STARD8: variants seen among roughly 807,000 people sequenced by gnomAD.
STARD8 encodes StAR related lipid transfer domain containing 8.
In STARD8, 25 loss-of-function variants were observed where a neutral mutation model predicts 69.4. The ratio of observed to expected loss-of-function variants is 0.36; its 90% CI spans 0.26 to 0.50. STARD8 has a LOEUF of 0.50. Among genes scored for constraint, STARD8 ranks in the 20% least tolerant of loss-of-function variants. The pLI, the probability that STARD8 is intolerant of heterozygous loss-of-function variation, is 0.96. For missense variants in STARD8, 921 were observed against 932.5 expected, an observed-to-expected ratio of 0.99 and a Z score of 0.16; for synonymous variants, 389 against 374.6, an observed-to-expected ratio of 1.04 and a Z score of -0.45.
intron 1 of STARD8, among the ~76,000 whole-genome samples, chrX:68,653,063 C>A (rs1359054114): frequency 4.1e-5 from 1 of 24,565 alleles, no homozygotes; most frequent in Non-Finnish European, 7.7e-5. Context: ...CCACACACAC[C>A]ACACACCACA....
intron 2 of STARD8, among the ~76,000 whole-genome samples, chrX:68,691,177 C>G (rs777436086): frequency 4.5e-5 from 5 of 111,825 alleles, no homozygotes; most frequent in Non-Finnish European, 7.5e-5. Flanking sequence ...TTTTGCCAGG[C>G]CTTGGCCTGC....
intron 1 of STARD8, among the ~76,000 whole-genome samples, chrX:68,653,267 ACACACCACAC>A (rs2079579345): frequency 1.6e-5 from 1 of 61,132 alleles, no homozygotes; most frequent in Non-Finnish European, 3.0e-5. Flanking sequence ...CACACACACC[ACACACCACAC>A]CACACACACA....
chrX:68,711,222 G>GCACACACACACA (rs60571538), intron 2 of STARD8, among the ~76,000 whole-genome samples: 380 of 101,839 alleles, frequency 3.7e-3, no homozygotes, highest in African/African-American at 0.013. Context: ...ATGTATGCAT[G>GCACACACACACA]CACACACACA....
In STARD8 at chrX:68,656,895, A is replaced by G. The variant is rs181380721; in HGVS notation, c.46-8604A>G. The stretch of plus-strand genomic sequence containing the variant: ...GGGGGGAGGGATAGCATTAGGAGAT[A>G]TACCTAATGTAAATGATGAGTTAAT... On this transcript the variant is annotated intron_variant, in intron 1 of 14. Coordinates refer to ENST00000374599, the MANE Select transcript of STARD8 (RefSeq NM_001142503.3). Among the ~76,000 whole-genome samples the G allele has an allele frequency of 2.7e-5, 3 of 111,329 alleles. No homozygotes were observed. In the Admixed American group the frequency reaches 2.9e-4, roughly 11 times the overall value.
intron 1 of STARD8, among the ~76,000 whole-genome samples, chrX:68,653,121 CCA>C (rs1247894025): frequency 1.0e-4 from 5 of 50,050 alleles, no homozygotes; most frequent in African/African-American, 1.6e-4. Flanking sequence ...ACACCACACA[CCA>C]CACACACACC....
In STARD8 at chrX:68,723,607, C is replaced by G; in HGVS notation, c.2800-19C>G. 1 of 1,166,116 alleles carries G rather than the reference C, an allele frequency of 8.6e-7. No individual in the cohort carries two copies. The highest frequency in any genetic ancestry group is 1.1e-6 in the Non-Finnish European group (1 of 871,501). On this transcript the variant is annotated intron_variant, in intron 12 of 14. Transcript: ENST00000374599. Reference sequence around the variant, plus strand: ...CCAGCCCTGACAGCTGCCCCCATCCCCACTCCTGTGGCTCACAGGCACCGG... The same window carrying G: ...CCAGCCCTGACAGCTGCCCCCATCCGCACTCCTGTGGCTCACAGGCACCGG...
In STARD8 at chrX:68,724,597, AG is replaced by A. The variant is rs2080183967; in HGVS notation, c.*176del. 1 of 414,903 alleles carries A rather than the reference AG, an allele frequency of 2.4e-6. No individual in the cohort carries two copies. The highest frequency in any genetic ancestry group is 4.2e-6 in the Non-Finnish European group (1 of 240,236). 34.2% of individuals were successfully genotyped at this position (414,903 alleles called of 1,213,427 possible). ...TAAAGCTCCTCTGCACATAGAGGGGAGAAAAAGAGAATTTAGGCAACTCCAC... is the reference window on the plus strand; with the variant it reads ...TAAAGCTCCTCTGCACATAGAGGGGAAAAAAGAGAATTTAGGCAACTCCAC... On this transcript the variant is annotated 3_prime_UTR_variant, in exon 15 of 15. Coordinates refer to ENST00000374599, the MANE Select transcript of STARD8 (RefSeq NM_001142503.3).
intron 1 of STARD8, among the ~76,000 whole-genome samples, chrX:68,661,990 T>C (rs868045188): frequency 8.1e-5 from 7 of 86,106 alleles, no homozygotes; most frequent in African/African-American, 3.6e-4. Flanking sequence ...CTTTCTTTCT[T>C]TCTTTCTTTC....
intron 2 of STARD8, 85 bp downstream of exon 2, chrX:68,665,617 C>T (rs764992515): frequency 5.8e-6 from 6 of 1,034,922 alleles, no homozygotes; most frequent in Non-Finnish European, 8.0e-6. Context: ...GATCAGGTCC[C>T]TGGGCAGCAG....
At chrX:68,721,916 C>A in intron 10 of STARD8, 131 bp from the exon 11 acceptor site, 1 of 790,207 alleles carries the variant, frequency 1.3e-6, no homozygotes, top group South Asian at 2.7e-5. Flanking sequence ...CAGGGCCTTC[C>A]AAAAGGCAGC....
intron 1 of STARD8, among the ~76,000 whole-genome samples, chrX:68,661,966 C>CTTTCTTTCTTTCTTTCTTTCTT (rs1215178287): frequency 8.3e-5 from 6 of 71,935 alleles, no homozygotes; most frequent in African/African-American, 4.1e-4. Context: ...CTCTCTCTCT[C>CTTTCTTTCTTTCTTTCTTTCTT]TCTCTCTTTC....
chrX:68,652,919 CACACAT>C (rs1456907021), intron 1 of STARD8, among the ~76,000 whole-genome samples: 1 of 74,950 alleles, frequency 1.3e-5, no homozygotes, highest in Non-Finnish European at 2.6e-5. Flanking sequence ...ACACCACACA[CACACAT>C]CACACACACC....
chrX:68,710,179 C>A (rs1163881795), intron 2 of STARD8, among the ~76,000 whole-genome samples: 7 of 112,377 alleles, frequency 6.2e-5, no homozygotes, highest in Non-Finnish European at 1.1e-4. Flanking sequence ...CCCTGTATGA[C>A]CTTGGAAAAG....
chrX:68,677,154 TA>T (rs1407381798), intron 2 of STARD8, among the ~76,000 whole-genome samples: 6 of 106,967 alleles, frequency 5.6e-5, no homozygotes, highest in African/African-American at 1.4e-4. Flanking sequence ...TCAAAAAAAT[TA>T]AAAAAAAAAG....
intron 2 of STARD8, among the ~76,000 whole-genome samples, chrX:68,686,349 C>A (rs907016307): frequency 4.4e-5 from 5 of 112,672 alleles, no homozygotes; most frequent in South Asian, 3.6e-4. Context: ...CGCTCAGTCC[C>A]GGGGCAAAAC....
Position 68,722,634 on chromosome X carries a change from G to A in STARD8, c.2787G>A (p.Leu929=), listed in dbSNP as rs1225342389. The A allele has an allele frequency of 2.5e-6, 3 of 1,210,258 alleles. No homozygotes were observed. Among genetic ancestry groups the A allele is most frequent in the East Asian group, 5.9e-5 (2 of 33,757 alleles). Residue 929 remains leucine, a synonymous_variant, in exon 12 of 15, where the codon CTG becomes CTA. Transcript: ENST00000374599. The part of the protein sequence containing the change: ...MSVPGPQHTE[L]ACRKAPDGHP... ...TGCCAGGGCCCCAGCACACGGAGCT[G>A]GCTTGCAGGAAGGTGAGTGCCACAC...
At chrX:68,714,783 A>T (rs2080078398) in intron 3 of STARD8, among the ~76,000 whole-genome samples, 1 of 111,766 alleles carries the variant, frequency 8.9e-6, no homozygotes, top group Non-Finnish European at 1.9e-5. Flanking sequence ...GACTTCTCAG[A>T]TTCTCTCTTC....
At chrX:68,669,829 G>A (rs2079717480) in intron 2 of STARD8, among the ~76,000 whole-genome samples, 1 of 112,066 alleles carries the variant, frequency 8.9e-6, no homozygotes, top group Admixed American at 9.4e-5. Context: ...CATGCTATTG[G>A]GTGTCTGTCA....
chrX:68,648,468 A>G (rs936503370), intron 1 of STARD8, among the ~76,000 whole-genome samples: 2 of 111,573 alleles, frequency 1.8e-5, no homozygotes, highest in African/African-American at 6.5e-5. Flanking sequence ...AGCTACACAA[A>G]GACAAAAAAG....
Sources: gnomAD v4.1 joint callset for allele counts (sites outside exome capture counted in the v4.1 genomes callset) on GRCh38, gnomAD v4.1.1 for gene constraint, MANE v1.5 for transcripts, NCBI Gene and HGNC (gene_info 2026-07-23, HGNC 2026-07-21) for gene names.